CBR4: variants seen among roughly 807,000 people sequenced by gnomAD.
The protein encoded by CBR4 is carbonyl reductase 4, also known as 3-oxoacyl-[acyl-carrier-protein] reductase.
Under a neutral mutation model 21.0 loss-of-function variants are expected in CBR4, and 22 were observed. The ratio of observed to expected loss-of-function variants is 1.05; its 90% CI spans 0.75 to 1.50. The LOEUF is 1.50. Ranked by LOEUF, CBR4 falls within the 40% of genes most tolerant of loss-of-function variation. The pLI is 0.00. For missense variants in CBR4, 302 were observed against 286.3 expected, an observed-to-expected ratio of 1.05 and a Z score of -0.40; for synonymous variants, 100 against 104.4, an observed-to-expected ratio of 0.96 and a Z score of 0.26.
chr4:168,896,448 T>C, intron 2 of CBR4: 1 of 731,394 alleles, frequency 1.4e-6, no homozygotes, highest in South Asian at 1.5e-5. Context: ...ACCAAACGCA[T>C]ATTGCTAGCA....
intron 2 of CBR4, among the ~76,000 whole-genome samples, chr4:168,960,085 G>A (rs2126724374): frequency 6.6e-6 from 1 of 152,170 alleles, no homozygotes; most frequent in South Asian, 2.1e-4. Context: ...GTATTCCTAA[G>A]TGTTATGGTT....
At chr4:168,951,072 T>C (rs944691755) in intron 2 of CBR4, among the ~76,000 whole-genome samples, 9 of 152,146 alleles carry the variant, frequency 5.9e-5, no homozygotes, top group African/African-American at 2.2e-4. Context: ...TTTTCTTCTT[T>C]TTTTTGAGAT....
At chr4:168,965,620 T>G (rs1053859023) in intron 2 of CBR4, among the ~76,000 whole-genome samples, 3 of 152,194 alleles carry the variant, frequency 2.0e-5, no homozygotes, top group Non-Finnish European at 2.9e-5. Flanking sequence ...ATCTGATCTT[T>G]GACAAACCTG....
chr4:168,995,259 CT>C (rs1173150736), intron 4 of CBR4, among the ~76,000 whole-genome samples: 2 of 152,126 alleles, frequency 1.3e-5, no homozygotes, highest in Admixed American at 6.5e-5. Context: ...TTCATCCATG[CT>C]GTGTTGAAAG....
At chr4:168,947,861 A>C (rs922728704) in intron 2 of CBR4, among the ~76,000 whole-genome samples, 1 of 152,200 alleles carries the variant, frequency 6.6e-6, no homozygotes, top group Admixed American at 6.5e-5. Context: ...TCTTTTTCAT[A>C]TAATGACTTC....
intron 2 of CBR4, among the ~76,000 whole-genome samples, chr4:168,939,475 G>A (rs1419097458): frequency 6.6e-6 from 1 of 152,136 alleles, no homozygotes; most frequent in Non-Finnish European, 1.5e-5. Context: ...AAGAAATAAA[G>A]GGTATTCAAA....
intron 4 of CBR4, among the ~76,000 whole-genome samples, chr4:169,000,395 A>T (rs901324215): frequency 6.6e-6 from 1 of 152,180 alleles, no homozygotes; most frequent in African/African-American, 2.4e-5. Flanking sequence ...AAAAAAAGAA[A>T]AGAAAAGAAT....
intron 2 of CBR4, among the ~76,000 whole-genome samples, chr4:168,922,096 TATATATACACAC>T (rs1438708754): frequency 3.3e-4 from 35 of 104,914 alleles, no homozygotes; most frequent in African/African-American, 9.6e-4. Flanking sequence ...TATATATATA[TATATATACACAC>T]ACACACACAC....
At chr4:168,986,025 T>C (rs142507558), downstream of CBR4, among the ~76,000 whole-genome samples, 15 of 151,008 alleles carry the variant, frequency 9.9e-5, no homozygotes, top group African/African-American at 2.9e-4. Context: ...TTTACCCATA[T>C]AACAAACCTA....
chr4:168,899,408 G>A (rs1033258915), intron 2 of CBR4, among the ~76,000 whole-genome samples: 3 of 152,056 alleles, frequency 2.0e-5, no homozygotes, highest in African/African-American at 7.2e-5. Flanking sequence ...AAAAAAAAGG[G>A]AAAAAATTAA....
chr4:168,915,176 G>A (rs760282001), intron 2 of CBR4, among the ~76,000 whole-genome samples: 22 of 152,064 alleles, frequency 1.4e-4, no homozygotes, highest in Non-Finnish European at 2.9e-4. Flanking sequence ...TCTTTCATTT[G>A]TTCCACTCTT....
intron 2 of CBR4, among the ~76,000 whole-genome samples, chr4:168,911,258 T>G (rs1470621718): frequency 2.0e-5 from 3 of 152,248 alleles, no homozygotes; most frequent in Non-Finnish European, 4.4e-5. Context: ...TGACTGTTTG[T>G]AACAACCCAT....
chr4:168,913,948 C>A lies in CBR4; in HGVS notation n.170-19183G>T, dbSNP rs758884211. 6.2e-7 allele frequency: 1 copy of A among 1,611,792 alleles called. No homozygotes were observed. Among genetic ancestry groups the A allele is most frequent in the Middle Eastern group, 1.7e-4 (1 of 6,060 alleles). On this transcript the variant is annotated intron_variant and non_coding_transcript_variant, in intron 2 of 3. Coordinates refer to the CBR4 transcript ENST00000509108. ...ACAGGGCCGCATCAGTTGTACTGGA[C>A]GGCTAATGGTACAGGCTGTCAACCA...
At chr4:168,904,486 G>T (rs1757203448) in intron 2 of CBR4, among the ~76,000 whole-genome samples, 1 of 152,104 alleles carries the variant, frequency 6.6e-6, no homozygotes, top group South Asian at 2.1e-4. Context: ...TTTAATAGGA[G>T]GCTGCTGGGT....
At chr4:168,971,985 C>G (rs1175820233) in intron 2 of CBR4, among the ~76,000 whole-genome samples, 1 of 152,140 alleles carries the variant, frequency 6.6e-6, no homozygotes, top group Non-Finnish European at 1.5e-5. Flanking sequence ...GATGAGAACC[C>G]AGTTTCATTC....
At chr4:168,931,449 T>G (rs1460193766) in intron 2 of CBR4, among the ~76,000 whole-genome samples, 1 of 150,230 alleles carries the variant, frequency 6.7e-6, no homozygotes, top group Admixed American at 6.6e-5. Flanking sequence ...GAGATTAACT[T>G]CCAGTAGACA....
At chr4:168,992,588 T>C (rs908185068) in intron 4 of CBR4, among the ~76,000 whole-genome samples, 1 of 152,210 alleles carries the variant, frequency 6.6e-6, no homozygotes, top group Non-Finnish European at 1.5e-5. Flanking sequence ...GTGTATAAAA[T>C]GTAGGTTACA....
At position 169,009,448 on chromosome 4, in the gene CBR4, G is replaced by C. The variant is rs146270655; in HGVS notation, c.142+500C>G. Among the ~76,000 whole-genome samples, 671 of 152,340 alleles carry C rather than the reference G, an allele frequency of 4.4e-3. 7 individuals carry two copies. The highest frequency in any genetic ancestry group is 0.015 in the African/African-American group (639 of 41,578). ...GGGTTTCTCTATCAAACACTGCTTT[G>C]TGCATTCGCGCAGGGCCAAGGCACG... On this transcript the variant is annotated intron_variant, in intron 1 of 4. Coordinates refer to ENST00000306193, the MANE Select transcript of CBR4 (RefSeq NM_032783.5).
At chr4:168,903,980 T>C (rs1427860470) in intron 2 of CBR4, 1 of 1,352,640 alleles carries the variant, frequency 7.4e-7, no homozygotes, top group Non-Finnish European at 1.1e-6. Flanking sequence ...AAAGGAACTA[T>C]TTAAAAGGTG....
Sources: allele counts gnomAD v4.1 joint callset (sites outside exome capture counted in the v4.1 genomes callset), GRCh38; gene constraint gnomAD v4.1.1; transcripts MANE v1.5; gene names NCBI Gene and HGNC (gene_info 2026-07-23, HGNC 2026-07-21).